PDE4D: variants seen among roughly 807,000 people sequenced by gnomAD.
PDE4D encodes the protein 3',5'-cyclic-AMP phosphodiesterase 4D.
In PDE4D, 24 loss-of-function variants were observed where a neutral mutation model predicts 87.4. The ratio of observed to expected loss-of-function variants is 0.27; its 90% CI spans 0.20 to 0.39. The LOEUF (loss-of-function observed/expected upper bound fraction) is 0.39, where lower values mean the gene tolerates loss of function less well. Among genes scored for constraint, PDE4D ranks in the 10% least tolerant of loss-of-function variants. PDE4D has a pLI of 1.00. For synonymous variants in PDE4D, 384 were observed against 383.2 expected (o/e 1.00, Z -0.02); for missense variants, 714 against 1,041.0 (o/e 0.69, Z 4.32).
intron 1 of PDE4D, among the ~76,000 whole-genome samples, chr5:60,346,932 C>T (rs889979623): frequency 6.6e-6 from 1 of 152,092 alleles, no homozygotes; most frequent in South Asian, 2.1e-4. Flanking sequence ...ATCATTAATT[C>T]ATTCCACAAA....
chr5:59,580,188 T>A (rs888273255), intron 1 of PDE4D, among the ~76,000 whole-genome samples: 2 of 152,220 alleles, frequency 1.3e-5, no homozygotes, highest in Non-Finnish European at 2.9e-5. Flanking sequence ...TATTGGGCTC[T>A]AAAATCAGGC....
At chr5:60,427,940 G>A (rs1011958422) in intron 1 of PDE4D, among the ~76,000 whole-genome samples, 3 of 152,102 alleles carry the variant, frequency 2.0e-5, no homozygotes, top group Non-Finnish European at 4.4e-5. Context: ...AACTAGGTGT[G>A]GTGGCACATG....
intron 2 of PDE4D, among the ~76,000 whole-genome samples, chr5:60,123,366 C>A (rs1313648708): frequency 6.6e-6 from 1 of 152,132 alleles, no homozygotes; most frequent in African/African-American, 2.4e-5. Flanking sequence ...ATTGGACTTA[C>A]ACTTCCACAT....
intron 2 of PDE4D, among the ~76,000 whole-genome samples, chr5:60,068,217 C>T (rs1025416825): frequency 7.2e-5 from 11 of 152,230 alleles, no homozygotes; most frequent in South Asian, 2.1e-4. Context: ...TGTACATCCT[C>T]GTCAACACTT....
intron 1 of PDE4D, chr5:59,275,653 CT>C: frequency 8.3e-7 from 1 of 1,197,982 alleles, no homozygotes; most frequent in Non-Finnish European, 1.0e-6. Context: ...ACAGTTTCTT[CT>C]GTGTCTTGCA....
chr5:59,203,213 A>T (rs146531232), intron 2 of PDE4D, among the ~76,000 whole-genome samples: 157 of 152,280 alleles, frequency 1.0e-3, no homozygotes, highest in African/African-American at 3.7e-3. Flanking sequence ...GACCTACAAA[A>T]AAAGGTCAAC....
At chr5:59,619,348 G>C (rs945425294) in intron 1 of PDE4D, among the ~76,000 whole-genome samples, 22 of 152,192 alleles carry the variant, frequency 1.4e-4, no homozygotes, top group African/African-American at 5.1e-4. Flanking sequence ...TATAAGCCTA[G>C]GGTCTAGGAT....
At chr5:59,714,070 C>T (rs1305125426) in intron 1 of PDE4D, among the ~76,000 whole-genome samples, 1 of 152,146 alleles carries the variant, frequency 6.6e-6, no homozygotes, top group South Asian at 2.1e-4. Flanking sequence ...GAGACCCCTG[C>T]TTGGTCTGGG....
chr5:60,001,323 CA>C (rs1763991839), intron 2 of PDE4D, among the ~76,000 whole-genome samples: 1 of 152,022 alleles, frequency 6.6e-6, no homozygotes, highest in Non-Finnish European at 1.5e-5. Context: ...ACATGGATAA[CA>C]AATAAATAAT....
At chr5:60,451,436 A>T (rs1018591226) in intron 1 of PDE4D, among the ~76,000 whole-genome samples, 1 of 152,042 alleles carries the variant, frequency 6.6e-6, no homozygotes, top group African/African-American at 2.4e-5. Context: ...CTATAATAAC[A>T]CAAGTTTACT....
At chr5:60,509,752 C>T (rs1750488031) in intron 1 of PDE4D, among the ~76,000 whole-genome samples, 1 of 152,138 alleles carries the variant, frequency 6.6e-6, no homozygotes, top group Non-Finnish European at 1.5e-5. Context: ...TCCTGCTCCA[C>T]CCCTTTCTTT....
At chr5:59,588,948 A>C (rs1025308151) in intron 1 of PDE4D, among the ~76,000 whole-genome samples, 1 of 152,232 alleles carries the variant, frequency 6.6e-6, no homozygotes, top group African/African-American at 2.4e-5. Flanking sequence ...AGTAATTAAA[A>C]TTTTGATATT....
At chr5:60,073,048 G>A (rs1772896645) in intron 2 of PDE4D, among the ~76,000 whole-genome samples, 1 of 152,114 alleles carries the variant, frequency 6.6e-6, no homozygotes, top group African/African-American at 2.4e-5. Flanking sequence ...AAAATACTAT[G>A]TTGAATAGGA....
intron 3 of PDE4D, among the ~76,000 whole-genome samples, chr5:59,188,276 A>T (rs1314368894): frequency 6.6e-6 from 1 of 152,122 alleles, no homozygotes; most frequent in African/African-American, 2.4e-5. Flanking sequence ...CTTCTGCCCC[A>T]CCAAGCAGAA....
chr5:59,893,093 C>T, intron 1 of PDE4D, 75 bp downstream of exon 1: 4 of 1,424,106 alleles, frequency 2.8e-6, no homozygotes, highest in Non-Finnish European at 3.8e-6. Context: ...GGTGATAAGC[C>T]GACTTAGATG....
At chr5:60,044,878 C>T (rs1459576903) in intron 2 of PDE4D, among the ~76,000 whole-genome samples, 2 of 151,944 alleles carry the variant, frequency 1.3e-5, no homozygotes, top group African/African-American at 2.4e-5. Context: ...GGGTATATAC[C>T]CAGTAATGGC....
At chr5:60,091,834 C>T (rs1487147866) in intron 2 of PDE4D, among the ~76,000 whole-genome samples, 1 of 151,860 alleles carries the variant, frequency 6.6e-6, no homozygotes, top group Non-Finnish European at 1.5e-5. Flanking sequence ...AGGCGGATCA[C>T]GAGGTCAGGA....
rs139631247 is a variant in PDE4D, at chr5:59,675,836, C to T, written c.455+217332G>A. Among the ~76,000 whole-genome samples the T allele has an allele frequency of 8.1e-3, 1,227 of 152,074 alleles. 22 individuals carry two copies. Among genetic ancestry groups the T allele is most frequent in the African/African-American group, 0.027 (1,137 of 41,460 alleles). Reference sequence around the variant, plus strand: ...TCCCAAGTAGCAGGGACTACAGGCACGTGCCACAACACCTGGATAATTTTT... The same window carrying T: ...TCCCAAGTAGCAGGGACTACAGGCATGTGCCACAACACCTGGATAATTTTT... On this transcript the variant is annotated intron_variant, in intron 1 of 14. Transcript: ENST00000340635.
At chr5:60,108,690 C>G (rs901285746) in intron 2 of PDE4D, among the ~76,000 whole-genome samples, 1 of 151,984 alleles carries the variant, frequency 6.6e-6, no homozygotes, top group Non-Finnish European at 1.5e-5. Flanking sequence ...GAACAGAGCC[C>G]TCAGAAATAA....
Sources: allele counts gnomAD v4.1 joint callset (sites outside exome capture counted in the v4.1 genomes callset), GRCh38; gene constraint gnomAD v4.1.1; transcripts MANE v1.5; gene names NCBI Gene and HGNC (gene_info 2026-07-23, HGNC 2026-07-21).